KITLG: variants seen among roughly 807,000 people sequenced by gnomAD.
The protein encoded by KITLG is c-Kit ligand.
In KITLG, 13 loss-of-function variants were observed where a neutral mutation model predicts 34.1. The observed-to-expected ratio is 0.38, with a 90% CI of 0.25 to 0.61. The LOEUF (loss-of-function observed/expected upper bound fraction) is 0.61, where lower values mean the gene tolerates loss of function less well. Among genes scored for constraint, KITLG ranks in the 20% least tolerant of loss-of-function variants. The probability of loss-of-function intolerance (pLI) is 0.60; values close to 1 mark genes in which losing one functional copy is unlikely to be tolerated. For synonymous variants in KITLG, 110 were observed against 104.0 expected (o/e 1.06, Z -0.35); for missense variants, 292 against 318.9 (o/e 0.92, Z 0.64).
At chr12:88,508,536 G>A (rs1869153554) in intron 6 of KITLG, among the ~76,000 whole-genome samples, 1 of 151,364 alleles carries the variant, frequency 6.6e-6, no homozygotes, top group Admixed American at 6.6e-5. Flanking sequence ...CTAATGATGG[G>A]ATGTATGGAT....
At chr12:88,550,622 A>G (rs1870877709) in intron 1 of KITLG, among the ~76,000 whole-genome samples, 1 of 152,240 alleles carries the variant, frequency 6.6e-6, no homozygotes, top group African/African-American at 2.4e-5. Context: ...GAGTTGAGGT[A>G]CAGGGAGGTT....
chr12:88,558,545 T>C (rs1871178350), intron 1 of KITLG, among the ~76,000 whole-genome samples: 1 of 152,232 alleles, frequency 6.6e-6, no homozygotes, highest in Non-Finnish European at 1.5e-5. Context: ...GTGTGAGACA[T>C]ACCAACTGCC....
chr12:88,532,776 T>C (rs1210801717), intron 2 of KITLG, among the ~76,000 whole-genome samples: 2 of 152,144 alleles, frequency 1.3e-5, no homozygotes, highest in Non-Finnish European at 2.9e-5. Flanking sequence ...GGAAACATGA[T>C]CTGAATTTCA....
chr12:88,567,574 T>C (rs1188718374), intron 1 of KITLG, among the ~76,000 whole-genome samples: 11 of 152,186 alleles, frequency 7.2e-5, no homozygotes, highest in Non-Finnish European at 1.6e-4. Flanking sequence ...ACAGAGTCAC[T>C]GACAAGAAAA....
At chr12:88,512,237 A>G (rs2070833146) in intron 6 of KITLG, among the ~76,000 whole-genome samples, 2 of 152,184 alleles carry the variant, frequency 1.3e-5, no homozygotes. Context: ...ATTCTAGAAC[A>G]GAAAATATAA....
intron 1 of KITLG, 126 bp downstream of exon 1, chr12:88,580,138 T>A: frequency 9.7e-7 from 1 of 1,031,518 alleles, no homozygotes; most frequent in Non-Finnish European, 1.5e-6. Flanking sequence ...CGCATCCTCT[T>A]GTCTCACCCG....
chr12:88,527,154 C>T (rs1311663949), intron 3 of KITLG, among the ~76,000 whole-genome samples: 1 of 152,160 alleles, frequency 6.6e-6, no homozygotes, highest in Non-Finnish European at 1.5e-5. Context: ...AGGCGTGAGC[C>T]ACTGTGCCCA....
rs1344464161 is a variant in KITLG, at chr12:88,495,130, T to C, written c.*2089A>G. On this transcript the variant is annotated 3_prime_UTR_variant, in exon 10 of 10. Coordinates refer to ENST00000644744, the MANE Select transcript of KITLG (RefSeq NM_000899.5). Reference sequence around the variant, plus strand: ...GAATTTGTTTATTTAACTCCATTGATTAAGACCATGTCCATGAGTGTTAAA... The same window carrying C: ...GAATTTGTTTATTTAACTCCATTGACTAAGACCATGTCCATGAGTGTTAAA... The C allele has an allele frequency of 6.6e-6, 1 of 152,002 alleles. No individual in the cohort carries two copies. Among genetic ancestry groups the C allele is most frequent in the African/African-American group, 2.4e-5 (1 of 41,430 alleles). 9.4% of individuals were successfully genotyped at this position (152,002 alleles called of 1,614,324 possible). A position where few individuals can be genotyped will look rare whatever the true frequency, so the allele number is the denominator to read the frequency against.
intron 3 of KITLG, 135 bp from the exon 4 acceptor site, chr12:88,519,002 A>G (rs1379398635): frequency 1.3e-6 from 1 of 763,278 alleles, no homozygotes; most frequent in East Asian, 2.7e-5. Context: ...AGCTCAGATT[A>G]CAAGTGCCTG....
At chr12:88,506,535 G>A (rs1869067678) in intron 7 of KITLG, among the ~76,000 whole-genome samples, 157 bp from the exon 8 acceptor site, 1 of 152,124 alleles carries the variant, frequency 6.6e-6, no homozygotes, top group African/African-American at 2.4e-5. Context: ...AAAAAATTAT[G>A]AAAGCTGCAT....
In KITLG at chr12:88,505,179, G is replaced by A; in HGVS notation, c.*17C>T. The A allele has an allele frequency of 6.3e-7, 1 of 1,589,450 alleles. No individual in the cohort carries two copies. The highest frequency in any genetic ancestry group is 8.6e-7 in the Non-Finnish European group (1 of 1,157,866). Reference sequence around the variant, plus strand: ...CTTACCAATGTACGAAAGTAACAGTGTTGATACAAGCCACAATTACACTTC... The same window carrying A: ...CTTACCAATGTACGAAAGTAACAGTATTGATACAAGCCACAATTACACTTC... On this transcript the variant is annotated 3_prime_UTR_variant, in exon 9 of 10. Coordinates refer to ENST00000644744, the MANE Select transcript of KITLG (RefSeq NM_000899.5).
intron 5 of KITLG, 50 bp from the exon 6 acceptor site, chr12:88,515,667 T>C (rs1029845199): frequency 2.2e-6 from 3 of 1,366,912 alleles, no homozygotes; most frequent in Non-Finnish European, 3.1e-6. Context: ...TTTGTATGAG[T>C]TATAGAGTCC....
At chr12:88,540,215 T>C (rs1035721607) in intron 2 of KITLG, among the ~76,000 whole-genome samples, 1 of 152,142 alleles carries the variant, frequency 6.6e-6, no homozygotes, top group African/African-American at 2.4e-5. Flanking sequence ...TAGGTTACAA[T>C]GATAATTCAT....
intron 1 of KITLG, among the ~76,000 whole-genome samples, chr12:88,553,324 ATG>A (rs1003945918): frequency 6.6e-6 from 1 of 152,202 alleles, no homozygotes; most frequent in African/African-American, 2.4e-5. Context: ...GTGCCTAAAT[ATG>A]TGGGTGTGCA....
At chr12:88,550,975 A>C (rs1417239886) in intron 1 of KITLG, among the ~76,000 whole-genome samples, 1 of 152,158 alleles carries the variant, frequency 6.6e-6, no homozygotes, top group Non-Finnish European at 1.5e-5. Context: ...TTTTTTTTGC[A>C]TCAGTTAAAT....
chr12:88,533,000 C>A (rs1870156553), intron 2 of KITLG, among the ~76,000 whole-genome samples: 1 of 152,060 alleles, frequency 6.6e-6, no homozygotes, highest in Admixed American at 6.6e-5. Flanking sequence ...CCAGGTGATT[C>A]CGATGTGCAC....
chr12:88,532,362 T>A, intron 3 of KITLG, 79 bp downstream of exon 3: 1 of 1,003,878 alleles, frequency 1.0e-6, no homozygotes, highest in Admixed American at 2.0e-5. Flanking sequence ...AAATAGCAGC[T>A]AGTGTACTAT....
chr12:88,492,986 T>C lies in KITLG; in HGVS notation c.*4233A>G, dbSNP rs188964282. 4.1e-4 allele frequency: 63 copies of C among 152,454 alleles called. No homozygotes were observed. The highest frequency in any genetic ancestry group is 1.3e-3 in the African/African-American group (56 of 41,520). The allele number at this position is 152,454 out of a possible 1,614,324, so 9.4% of individuals were successfully genotyped here. On this transcript the variant is annotated 3_prime_UTR_variant, in exon 10 of 10. Transcript: ENST00000644744. Reference sequence around the variant, plus strand: ...AAATTTCAGTCATAATAGAACTATTTAGAATAGTGTCGACATACATTTACA... The same window carrying C: ...AAATTTCAGTCATAATAGAACTATTCAGAATAGTGTCGACATACATTTACA...
intron 9 of KITLG, among the ~76,000 whole-genome samples, chr12:88,500,928 T>C (rs924879940): frequency 6.6e-6 from 1 of 152,036 alleles, no homozygotes; most frequent in Admixed American, 6.6e-5. Flanking sequence ...CATAGGTGCA[T>C]ACCACTATGC....
Sources: allele counts gnomAD v4.1 joint callset (sites outside exome capture counted in the v4.1 genomes callset), GRCh38; gene constraint gnomAD v4.1.1; transcripts MANE v1.5; gene names NCBI Gene and HGNC (gene_info 2026-07-23, HGNC 2026-07-21).